SLC46A2: variants seen among roughly 807,000 people sequenced by gnomAD.
SLC46A2 encodes the protein solute carrier family 46 member 2, also known as thymic stromal co-transporter.
In SLC46A2, 25 loss-of-function variants were observed where a neutral mutation model predicts 33.1. That is an observed-to-expected ratio of 0.76 (90% CI 0.55 to 1.06). The LOEUF is 1.06. Ranked by LOEUF, SLC46A2 falls within the 50% of genes least tolerant of loss-of-function variation. The pLI, the probability that SLC46A2 is intolerant of heterozygous loss-of-function variation, is 0.00. For synonymous variants in SLC46A2, 254 were observed against 275.9 expected, an observed-to-expected ratio of 0.92 and a Z score of 0.79; for missense variants, 622 against 621.7, an observed-to-expected ratio of 1.00 and a Z score of 0.00.
chr9:112,887,634 G>T (rs963537901), intron 1 of SLC46A2, among the ~76,000 whole-genome samples: 1 of 152,228 alleles, frequency 6.6e-6, no homozygotes, highest in Admixed American at 6.5e-5. Context: ...AGTCTGCAAG[G>T]TGGCTGGGCA....
At position 112,879,783 on chromosome 9, in the gene SLC46A2, A is replaced by G. The variant is rs949324980; in HGVS notation, c.1407T>C (p.Tyr469=). ...VAYKQVPLSP[Y]GDIIEK Reference sequence around the variant, plus strand: ...ATCTTCATTTCTCTATGATGTCTCCATATGGTGACAATGGGACTTGTTTAT... The same window carrying G: ...ATCTTCATTTCTCTATGATGTCTCCGTATGGTGACAATGGGACTTGTTTAT... Residue 469 remains tyrosine (Y), a synonymous_variant, in exon 4 of 4, where the codon TAT becomes TAC. Transcript: ENST00000374228. 6 of 1,613,146 alleles carry G rather than the reference A, an allele frequency of 3.7e-6. No individual in the cohort carries two copies. In the Admixed American group the frequency reaches 5.0e-5, roughly 13 times the overall value.
intron 2 of SLC46A2, among the ~76,000 whole-genome samples, chr9:112,886,872 G>A (rs1340532950): frequency 6.6e-6 from 1 of 152,138 alleles, no homozygotes; most frequent in African/African-American, 2.4e-5. Flanking sequence ...CTACAGGCAT[G>A]TGCCACCATG....
intron 3 of SLC46A2, among the ~76,000 whole-genome samples, chr9:112,882,789 G>A (rs957195311): frequency 6.6e-6 from 1 of 151,970 alleles, no homozygotes; most frequent in South Asian, 2.1e-4. Flanking sequence ...GGCTTAGGAG[G>A]GTATCAAGAA....
At chr9:112,885,809 A>T (rs1841636030) in intron 3 of SLC46A2, 1 of 152,178 alleles carries the variant, frequency 6.6e-6, no homozygotes, top group Non-Finnish European at 1.5e-5. Context: ...AAAATTGAAA[A>T]TCACACACAT....
rs16917440 is a variant in SLC46A2 at position 112,879,289 on chromosome 9, A to C, written c.*473T>G. On this transcript the variant is annotated 3_prime_UTR_variant, in exon 4 of 4. Transcript: ENST00000374228. ...AAACTGTTGGTAGTTCTTACAAAAC[A>C]TCCCTTCCACATTCCCCTCAGGCTG... 13,347 of 154,300 alleles carry C rather than the reference A, an allele frequency of 0.087. 621 individuals carry two copies. The highest frequency in any genetic ancestry group is 0.1 in the African/African-American group (4,222 of 41,656). The allele number at this position is 154,300 out of a possible 1,614,324, so 9.6% of individuals were successfully genotyped here.
At position 112,889,807 on chromosome 9, in the gene SLC46A2, A is replaced by G; in HGVS notation, c.875T>C (p.Ile292Thr). ...TGTGCCCACCACCGCCAGGTCATAT[A>G]TGATAGCACCCACAAAGAGCAAGGC... ...TIALLFVGAI[I>T]YDLAVVGTVD... The change falls in exon 1 of 4, where the codon ATA (isoleucine) becomes ACA (threonine). Residue 292 changes from isoleucine (I) to threonine (T), a missense_variant. Physicochemically the swap from Ile to Thr is moderately conservative, Grantham distance 89. Coordinates refer to ENST00000374228, the MANE Select transcript of SLC46A2 (RefSeq NM_033051.4). 3.7e-6 allele frequency: 6 copies of G among 1,614,120 alleles called. No individual in the cohort carries two copies. The highest frequency in any genetic ancestry group is 5.1e-6 in the Non-Finnish European group (6 of 1,179,970).
In SLC46A2 at chr9:112,886,426, C is replaced by T. The variant is rs772529848; in HGVS notation, c.1370+34G>A. 2.5e-6 allele frequency: 4 copies of T among 1,612,876 alleles called. No individual in the cohort carries two copies. The Admixed American group carries it at 6.7e-5, about 27-fold the overall frequency. On this transcript the variant is annotated intron_variant, in intron 3 of 3. Transcript: ENST00000374228. ...ATTCCTTGACCTAAGCATCAGGGTC[C>T]CAGCCCAAGCAGCAGATGCTGCTCC...
chr9:112,888,946 A>G (rs1302349859), intron 1 of SLC46A2, among the ~76,000 whole-genome samples: 1 of 150,032 alleles, frequency 6.7e-6, no homozygotes, highest in African/African-American at 2.5e-5. Context: ...GCTAGAGTGC[A>G]GTGGCACAAT....
At chr9:112,887,436 A>T in intron 1 of SLC46A2, 23 bp from the exon 2 acceptor site, 1 of 1,580,756 alleles carries the variant, frequency 6.3e-7, no homozygotes, top group South Asian at 1.2e-5. Context: ...ACACAAGAAC[A>T]CTCCTTGCTG....
intron 3 of SLC46A2, among the ~76,000 whole-genome samples, chr9:112,882,823 T>C (rs1422979629): frequency 6.6e-6 from 1 of 151,990 alleles, no homozygotes; most frequent in Non-Finnish European, 1.5e-5. Context: ...GTTTAAATGG[T>C]AATATGAACC....
At chr9:112,887,952 A>T (rs867903336) in intron 1 of SLC46A2, among the ~76,000 whole-genome samples, 1,904 of 137,198 alleles carry the variant, frequency 0.014, 38 homozygotes, top group African/African-American at 0.052. Context: ...TGTGTGAGAG[A>T]GAGAGAGAGA....
At chr9:112,887,449 G>T (rs1372096628) in intron 1 of SLC46A2, 36 bp from the exon 2 acceptor site, 3 of 1,560,796 alleles carry the variant, frequency 1.9e-6, no homozygotes, top group African/African-American at 2.8e-5. Context: ...CCTTGCTGTA[G>T]CCCAGCCTGG....
At position 112,889,806 on chromosome 9, in the gene SLC46A2, T is replaced by C. The variant is rs1841702053; in HGVS notation, c.876A>G (p.Ile292Met). 6.2e-7 allele frequency: 1 copy of C among 1,614,092 alleles called. No individual in the cohort carries two copies. Among genetic ancestry groups the C allele is most frequent in the Non-Finnish European group, 8.5e-7 (1 of 1,179,966 alleles). The stretch of plus-strand genomic sequence containing the variant: ...CTGTGCCCACCACCGCCAGGTCATA[T>C]ATGATAGCACCCACAAAGAGCAAGG... Reference protein sequence around the residue: ...TIALLFVGAIIYDLAVVGTVD... With the variant: ...TIALLFVGAIMYDLAVVGTVD... The change falls in exon 1 of 4, where the codon ATA becomes ATG. Residue 292 changes from isoleucine (I) to methionine (M), a missense_variant. Physicochemically the swap from Ile to Met is conservative, Grantham distance 10. Transcript: ENST00000374228.
chr9:112,885,152 A>C (rs1368835334), intron 3 of SLC46A2: 1 of 152,064 alleles, frequency 6.6e-6, no homozygotes, highest in African/African-American at 2.4e-5. Flanking sequence ...TATTTTTCTC[A>C]ATTATGAAAT....
chr9:112,886,107 T>G (rs1222116827), intron 3 of SLC46A2, among the ~76,000 whole-genome samples: 3 of 152,186 alleles, frequency 2.0e-5, no homozygotes, highest in Non-Finnish European at 4.4e-5. Context: ...GACTTTCACC[T>G]AAAGGCAGCT....
chr9:112,888,085 C>A (rs770663027), intron 1 of SLC46A2, among the ~76,000 whole-genome samples: 3 of 152,140 alleles, frequency 2.0e-5, no homozygotes, highest in Non-Finnish European at 4.4e-5. Flanking sequence ...CGAGACCAGC[C>A]TGAACAACAT....
rs1841643137 is a variant in SLC46A2, at chr9:112,886,448, C to G, written c.1370+12G>C. On this transcript the variant is annotated intron_variant, in intron 3 of 3. Coordinates refer to ENST00000374228, the MANE Select transcript of SLC46A2 (RefSeq NM_033051.4). ...GTCCCAGCCCAAGCAGCAGATGCTGCTCCCATCCTACCTAATTGGAATGAT... is the reference window on the plus strand; with the variant it reads ...GTCCCAGCCCAAGCAGCAGATGCTGGTCCCATCCTACCTAATTGGAATGAT... 1.2e-6 allele frequency: 2 copies of G among 1,613,642 alleles called. No homozygotes were observed. The highest frequency in any genetic ancestry group is 1.7e-6 in the Non-Finnish European group (2 of 1,179,756).
In SLC46A2 at chr9:112,890,810, G is replaced by GA. The variant is rs1483987582; in HGVS notation, c.-130dup. 1.8e-6 allele frequency: 2 copies of GA among 1,099,944 alleles called. No homozygotes were observed. Among genetic ancestry groups the GA allele is most frequent in the Admixed American group, 5.8e-5 (2 of 34,596 alleles). 68.1% of individuals were successfully genotyped at this position (1,099,944 alleles called of 1,614,324 possible). A position where few individuals can be genotyped will look rare whatever the true frequency, so the allele number is the denominator to read the frequency against. ...AGTGTGCTCCGTGCGCCGGGAGCGC[G>GA]AGTGTGCTCCGTGCGCCGGGAGCGC... On this transcript the variant is annotated 5_prime_UTR_variant, in exon 1 of 4. Coordinates refer to ENST00000374228, the MANE Select transcript of SLC46A2 (RefSeq NM_033051.4). This position sits in a 1 kb window ranked among gnomAD's most constrained non-coding sequence, Gnocchi z 6.0.
In SLC46A2 at chr9:112,888,883, T is replaced by A. The variant is rs201057019; in HGVS notation, c.1129+670A>T. ...ATTCCACTCCTCCACGTTTTTTTTT[T>A]TTTGTTTGTTTGTTTTTTTTTTTTT... is the stretch of plus-strand genomic sequence containing the variant. On this transcript the variant is annotated intron_variant, in intron 1 of 3. Coordinates refer to ENST00000374228, the MANE Select transcript of SLC46A2 (RefSeq NM_033051.4). Among the ~76,000 whole-genome samples, 2 of 144,566 alleles carry A rather than the reference T, an allele frequency of 1.4e-5. 1 individual carries two copies. Among genetic ancestry groups the A allele is most frequent in the Non-Finnish European group, 3.1e-5 (2 of 65,496 alleles). The allele number at this position is 144,566 out of a possible 152,430, so 94.8% of individuals were successfully genotyped here. A position where few individuals can be genotyped will look rare whatever the true frequency, so the allele number is the denominator to read the frequency against.
Sources: allele counts gnomAD v4.1 joint callset (sites outside exome capture counted in the v4.1 genomes callset), GRCh38; gene constraint gnomAD v4.1.1; non-coding constraint Gnocchi (gnomAD v3.1); transcripts MANE v1.5; gene names NCBI Gene and HGNC (gene_info 2026-07-23, HGNC 2026-07-21).